The following MAP2K1 variants were observed in gnomAD, a reference collection of about 807,000 sequenced individuals.
MAP2K1 encodes the protein mitogen-activated protein kinase kinase 1, also known as dual specificity mitogen-activated protein kinase kinase 1.
In MAP2K1, 16 loss-of-function variants were observed where a neutral mutation model predicts 46.3. The observed-to-expected ratio is 0.35, with a 90% CI of 0.23 to 0.52. The LOEUF is 0.52. MAP2K1 is among the 20% of genes least tolerant of loss of function. MAP2K1 has a pLI of 0.94. For synonymous variants in MAP2K1, 183 were observed against 185.6 expected, an observed-to-expected ratio of 0.99 and a Z score of 0.11; for missense variants, 263 against 497.1, an observed-to-expected ratio of 0.53 and a Z score of 4.48.
chr15:66,465,814 A>G (rs1054597990), intron 5 of MAP2K1, among the ~76,000 whole-genome samples: 19 of 152,248 alleles, frequency 1.2e-4, no homozygotes, highest in African/African-American at 4.6e-4. Flanking sequence ...TTATACTTGG[A>G]CAGATTATTT....
intron 5 of MAP2K1, among the ~76,000 whole-genome samples, chr15:66,472,850 A>G (rs1892673328): frequency 6.6e-6 from 1 of 152,264 alleles, no homozygotes; most frequent in South Asian, 2.1e-4. Flanking sequence ...AGCCTGGGTC[A>G]CATAAATATG....
At chr15:66,419,717 T>C (rs1183533763) in intron 1 of MAP2K1, among the ~76,000 whole-genome samples, 3 of 152,078 alleles carry the variant, frequency 2.0e-5, no homozygotes, top group East Asian at 3.8e-4. Context: ...TGTGTGTGTA[T>C]GTGTGTGTTT....
intron 1 of MAP2K1, among the ~76,000 whole-genome samples, chr15:66,427,207 TCTAAATG>T (rs886307067): frequency 1.2e-4 from 19 of 152,340 alleles, no homozygotes; most frequent in South Asian, 1.0e-3. Flanking sequence ...GTTGGAATCA[TCTAAATG>T]CTAAATGCAT....
intron 1 of MAP2K1, among the ~76,000 whole-genome samples, chr15:66,395,606 A>C (rs1595836703): frequency 3.2e-5 from 4 of 123,562 alleles, no homozygotes; most frequent in East Asian, 2.2e-4. Flanking sequence ...ACGGAGTCTC[A>C]CTCTGTCACC....
chr15:66,429,652 C>G (rs2093469252), intron 1 of MAP2K1, among the ~76,000 whole-genome samples: 2 of 140,236 alleles, frequency 1.4e-5, no homozygotes, highest in African/African-American at 2.7e-5. Context: ...GCCACTGGGT[C>G]TGCACTGCGG....
chr15:66,442,896 A>G (rs562624445), intron 3 of MAP2K1, among the ~76,000 whole-genome samples: 1 of 152,198 alleles, frequency 6.6e-6, no homozygotes, highest in East Asian at 1.9e-4. Flanking sequence ...GAAACACTTA[A>G]TTTTACTGGT....
chr15:66,426,360 C>CAAAA (rs35788598), intron 1 of MAP2K1, among the ~76,000 whole-genome samples: 2 of 138,494 alleles, frequency 1.4e-5, no homozygotes, highest in African/African-American at 5.3e-5. Flanking sequence ...ATCAAGAAGA[C>CAAAA]AAAAAAAAAA....
In MAP2K1 at chr15:66,416,606, G is replaced by C. The variant is rs570076189; in HGVS notation, c.81-18421G>C. On this transcript the variant is annotated intron_variant, in intron 1 of 10. Coordinates refer to ENST00000307102, the MANE Select transcript of MAP2K1 (RefSeq NM_002755.4). ...CCCGAGGTTTAGATTCTCATCATCA[G>C]TTCTGCTGTGGGACTCACATTTCCC... Among the ~76,000 whole-genome samples the C allele has an allele frequency of 9.2e-5, 14 of 152,296 alleles. No homozygotes were observed. In the East Asian group the frequency reaches 2.1e-3, roughly 23 times the overall value.
intron 3 of MAP2K1, among the ~76,000 whole-genome samples, chr15:66,442,985 A>G (rs1456698210): frequency 1.3e-5 from 2 of 151,296 alleles, no homozygotes; most frequent in African/African-American, 4.9e-5. Context: ...CGAAGCTTCC[A>G]TGCCTTCCCT....
intron 5 of MAP2K1, among the ~76,000 whole-genome samples, chr15:66,458,743 A>C (rs1408988253): frequency 6.6e-6 from 1 of 151,414 alleles, no homozygotes; most frequent in Non-Finnish European, 1.5e-5. Context: ...TTGGTCTTGA[A>C]CTCCTGGACT....
At chr15:66,404,615 G>C (rs1341189652) in intron 1 of MAP2K1, among the ~76,000 whole-genome samples, 4 of 152,272 alleles carry the variant, frequency 2.6e-5, no homozygotes, top group Non-Finnish European at 5.9e-5. Context: ...AAAGGAAGGC[G>C]TAACATTTAT....
intron 1 of MAP2K1, among the ~76,000 whole-genome samples, chr15:66,422,587 G>A (rs2093446239): frequency 6.6e-6 from 1 of 152,040 alleles, no homozygotes; most frequent in South Asian, 2.1e-4. Context: ...CCTATGACGG[G>A]AAAAAAATGA....
rs576387745 is a variant in MAP2K1, at chr15:66,400,092, C to T, written c.80+12665C>T. 6.6e-5 allele frequency among the ~76,000 whole-genome samples: 10 copies of T among 152,224 alleles called. 2 individuals are homozygous for T. The highest frequency in any genetic ancestry group is 2.4e-4 in the African/African-American group (10 of 41,512). On this transcript the variant is annotated intron_variant, in intron 1 of 10. Transcript: ENST00000307102. ...TGTGTACAGTGTACAATTGAATGTA[C>T]AGCATTGCTGATTCGATATATCATT...
In MAP2K1 at chr15:66,491,019, TTCTC is replaced by T. The variant is rs1414390821; in HGVS notation, c.*408_*411del. ...GTACTTTATTCTTGCTGGGCATACTTTCTCTCTAGGAGGGAGCCTTGTGAGATCC... is the reference window on the plus strand; with the variant it reads ...GTACTTTATTCTTGCTGGGCATACTTTCTAGGAGGGAGCCTTGTGAGATCC... On this transcript the variant is annotated 3_prime_UTR_variant, in exon 11 of 11. Transcript: ENST00000307102. The T allele has an allele frequency of 2.4e-6, 1 of 422,674 alleles. No individual in the cohort carries two copies. Among genetic ancestry groups the T allele is most frequent in the Admixed American group, 4.0e-5 (1 of 24,934 alleles). 26.2% of individuals were successfully genotyped at this position (422,674 alleles called of 1,614,324 possible). A position where few individuals can be genotyped will look rare whatever the true frequency, so the allele number is the denominator to read the frequency against.
At chr15:66,427,352 G>A (rs1296104649) in intron 1 of MAP2K1, among the ~76,000 whole-genome samples, 1 of 152,100 alleles carries the variant, frequency 6.6e-6, no homozygotes, top group Non-Finnish European at 1.5e-5. Context: ...GAGGTCAGGA[G>A]ATCGAGACCA....
intron 6 of MAP2K1, 49 bp downstream of exon 6, chr15:66,481,928 A>AG: frequency 6.3e-7 from 1 of 1,599,996 alleles, no homozygotes; most frequent in East Asian, 2.3e-5. Flanking sequence ...GGTCAGGGAG[A>AG]GGAGCCCAGT....
At chr15:66,397,393 G>C (rs1354299462) in intron 1 of MAP2K1, among the ~76,000 whole-genome samples, 2 of 152,134 alleles carry the variant, frequency 1.3e-5, no homozygotes, top group Non-Finnish European at 2.9e-5. Context: ...CTGGTAATAA[G>C]AAACCCATGA....
rs727505206 is a variant in MAP2K1 at position 66,481,817 on chromosome 15, G to A, written c.631G>A (p.Val211Ile). ...GGAGATCAAGCTCTGTGACTTTGGG[G>A]TCAGCGGGCAGCTCATCGACTCCAT... ...RGEIKLCDFGVSGQLIDSMAN... is the reference protein window; with the variant it reads ...RGEIKLCDFGISGQLIDSMAN... Residue 211 changes from valine to isoleucine, a missense_variant, in exon 6 of 11, where the codon GTC becomes ATC. By Grantham distance (29) the Val-to-Ile change is conservative. Transcript: ENST00000307102. The A allele has an allele frequency of 3.1e-6, 5 of 1,613,866 alleles. No individual in the cohort carries two copies. Among genetic ancestry groups the A allele is most frequent in the Non-Finnish European group, 4.2e-6 (5 of 1,180,014 alleles).
At chr15:66,398,211 G>A (rs1283204420) in intron 1 of MAP2K1, among the ~76,000 whole-genome samples, 1 of 151,942 alleles carries the variant, frequency 6.6e-6, no homozygotes, top group Non-Finnish European at 1.5e-5. Context: ...GAGCCCAAGA[G>A]CTAGAGACCA....
Sources: gnomAD v4.1 joint callset for allele counts (sites outside exome capture counted in the v4.1 genomes callset) on GRCh38, gnomAD v4.1.1 for gene constraint, MANE v1.5 for transcripts, NCBI Gene and HGNC (gene_info 2026-07-23, HGNC 2026-07-21) for gene names.